TANGO6: variants seen among roughly 807,000 people sequenced by gnomAD.
TANGO6 encodes transport and Golgi organization protein 6 homolog.
TANGO6 carries 90 observed loss-of-function variants against 114.2 expected under a neutral mutation model. That is an observed-to-expected ratio of 0.79 (90% CI 0.66 to 0.94). The LOEUF (loss-of-function observed/expected upper bound fraction) is 0.94, where lower values mean the gene tolerates loss of function less well. Among genes scored for constraint, TANGO6 ranks in the 40% least tolerant of loss-of-function variants. TANGO6 has a pLI of 0.00. For synonymous variants in TANGO6, 477 were observed against 509.8 expected (o/e 0.94, Z 0.87); for missense variants, 1,274 against 1,315.3 (o/e 0.97, Z 0.49).
chr16:68,924,086 C>G (rs1257888935), intron 12 of TANGO6, among the ~76,000 whole-genome samples: 1 of 152,178 alleles, frequency 6.6e-6, no homozygotes, highest in Non-Finnish European at 1.5e-5. Context: ...TGCAGGTGAT[C>G]AAACTGGCTA....
intron 12 of TANGO6, 51 bp from the exon 13 acceptor site, chr16:68,927,517 T>A: frequency 1.9e-6 from 3 of 1,581,998 alleles, no homozygotes; most frequent in Non-Finnish European, 2.6e-6. Context: ...CAGGTCATAT[T>A]GAAATTTGCT....
At chr16:69,067,847 G>T (rs1488792546) in intron 17 of TANGO6, among the ~76,000 whole-genome samples, 1 of 148,972 alleles carries the variant, frequency 6.7e-6, no homozygotes, top group Non-Finnish European at 1.5e-5. Flanking sequence ...TGAGGCAGGA[G>T]AATTGCTTGA....
intron 15 of TANGO6, among the ~76,000 whole-genome samples, chr16:69,001,020 C>T (rs975671319): frequency 1.2e-4 from 19 of 152,200 alleles, no homozygotes; most frequent in Non-Finnish European, 2.4e-4. Context: ...ATGATTCTTA[C>T]ACCCTCTAAA....
chr16:68,916,458 C>T (rs1271214476), intron 11 of TANGO6, among the ~76,000 whole-genome samples: 2 of 151,924 alleles, frequency 1.3e-5, no homozygotes, highest in Non-Finnish European at 2.9e-5. Flanking sequence ...CCCCTCTCCC[C>T]CTCCCGCCCC....
At chr16:69,005,135 C>T (rs1191493908) in intron 15 of TANGO6, among the ~76,000 whole-genome samples, 1 of 152,064 alleles carries the variant, frequency 6.6e-6, no homozygotes, top group Non-Finnish European at 1.5e-5. Flanking sequence ...GGCCACAGTA[C>T]AACATGACTC....
At chr16:68,958,422 G>C (rs1340361018) in intron 14 of TANGO6, among the ~76,000 whole-genome samples, 1 of 146,762 alleles carries the variant, frequency 6.8e-6, no homozygotes, top group Non-Finnish European at 1.5e-5. Context: ...CTGGGAGGCG[G>C]AGGTTGCAGT....
rs78304933 is a variant in TANGO6, at chr16:69,025,578, G to A, written c.2994+2599G>A. 3.1e-3 allele frequency among the ~76,000 whole-genome samples: 467 copies of A among 152,362 alleles called. 12 individuals carry two copies. In the East Asian group the frequency reaches 0.079, roughly 26 times the overall value. On this transcript the variant is annotated intron_variant, in intron 16 of 17. Transcript: ENST00000261778. ...AGGTGAAGGGTGGGGACCAATCAGA[G>A]GAAAGTGTGCCAAACAGGAAGACAA...
At chr16:69,001,454 T>C (rs6499213) in intron 15 of TANGO6, among the ~76,000 whole-genome samples, 37,480 of 152,084 alleles carry the variant, frequency 0.25, 5,947 homozygotes, top group African/African-American at 0.45. Context: ...GTATTTAAGT[T>C]TTATTTTTCT....
Position 69,013,905 on chromosome 16 carries a change from G to A in TANGO6, c.2843-8923G>A, listed in dbSNP as rs528230277. 5.9e-5 allele frequency among the ~76,000 whole-genome samples: 9 copies of A among 152,232 alleles called. No homozygotes were observed. In the South Asian group the frequency reaches 1.9e-3, roughly 32 times the overall value. On this transcript the variant is annotated intron_variant, in intron 15 of 17. Coordinates refer to ENST00000261778, the MANE Select transcript of TANGO6 (RefSeq NM_024562.2). Reference sequence around the variant, plus strand: ...ACTCCTGAGCTCAGGCAATCTGCCTGCCTTGGCCTCCCCAAGTGCTAGGAT... The same window carrying A: ...ACTCCTGAGCTCAGGCAATCTGCCTACCTTGGCCTCCCCAAGTGCTAGGAT...
In TANGO6 at chr16:68,843,608, C is replaced by T. The variant is rs762220164; in HGVS notation, c.-10C>T. 3.7e-6 allele frequency: 6 copies of T among 1,612,762 alleles called. No homozygotes were observed. The highest frequency in any genetic ancestry group is 5.1e-6 in the Non-Finnish European group (6 of 1,179,298). ...TGAGCGGGTCGCGAGCGTGGTGTTACACTCCAGTCATGGCGGCCCGACAGG... is the reference window on the plus strand; with the variant it reads ...TGAGCGGGTCGCGAGCGTGGTGTTATACTCCAGTCATGGCGGCCCGACAGG... On this transcript the variant is annotated 5_prime_UTR_variant, in exon 1 of 18. Coordinates refer to ENST00000261778, the MANE Select transcript of TANGO6 (RefSeq NM_024562.2).
intron 15 of TANGO6, among the ~76,000 whole-genome samples, chr16:68,996,741 C>G (rs28143): frequency 0.38 from 57,420 of 152,016 alleles, 12,817 homozygotes; most frequent in East Asian, 0.53. Context: ...ATCCTTTGAC[C>G]ATTTTATGCT....
intron 7 of TANGO6, among the ~76,000 whole-genome samples, chr16:68,887,169 C>A (rs1962550749): frequency 6.6e-6 from 1 of 152,190 alleles, no homozygotes; most frequent in South Asian, 2.1e-4. Context: ...TAATCCCCAA[C>A]CTGTTCCCAT....
intron 15 of TANGO6, among the ~76,000 whole-genome samples, chr16:69,018,483 C>A (rs1178415654): frequency 6.6e-6 from 1 of 151,474 alleles, no homozygotes; most frequent in East Asian, 1.9e-4. Context: ...ATAGGAGTTA[C>A]TCATAGGTAA....
chr16:68,957,260 C>T (rs1214054947), intron 14 of TANGO6, among the ~76,000 whole-genome samples: 3 of 152,036 alleles, frequency 2.0e-5, no homozygotes, highest in Non-Finnish European at 4.4e-5. Context: ...GTCATTATCA[C>T]TATTTCTAAA....
chr16:68,901,653 T>C (rs1962787202), intron 8 of TANGO6, among the ~76,000 whole-genome samples: 1 of 152,158 alleles, frequency 6.6e-6, no homozygotes, highest in Admixed American at 6.5e-5. Flanking sequence ...CATGCCCGGC[T>C]AATTTTTGTA....
At chr16:68,938,821 A>G (rs1242489705) in intron 14 of TANGO6, among the ~76,000 whole-genome samples, 2 of 152,052 alleles carry the variant, frequency 1.3e-5, no homozygotes, top group Non-Finnish European at 2.9e-5. Context: ...GTTCTATCTT[A>G]ACAGTTCTAT....
At chr16:69,035,079 A>G (rs1423004809) in intron 16 of TANGO6, 1 of 152,078 alleles carries the variant, frequency 6.6e-6, no homozygotes, top group Non-Finnish European at 1.5e-5. Context: ...AGAATTCCAC[A>G]TACCTGAGCT....
chr16:68,852,508 A>G (rs1265266955), intron 1 of TANGO6, among the ~76,000 whole-genome samples: 1 of 152,122 alleles, frequency 6.6e-6, no homozygotes, highest in East Asian at 1.9e-4. Context: ...ATATTTTCAA[A>G]ATTTTATTAT....
chr16:69,078,244 G>A (rs1960416641), intron 17 of TANGO6, among the ~76,000 whole-genome samples: 1 of 152,236 alleles, frequency 6.6e-6, no homozygotes. Flanking sequence ...CTGTGGGGAA[G>A]GGTCGGCCTG....
Sources: allele counts gnomAD v4.1 joint callset (sites outside exome capture counted in the v4.1 genomes callset), GRCh38; gene constraint gnomAD v4.1.1; transcripts MANE v1.5; gene names NCBI Gene and HGNC (gene_info 2026-07-23, HGNC 2026-07-21).